Variants in MACROD2 observed in about 807,000 individuals in gnomAD.
MACROD2 encodes ADP-ribose glycohydrolase MACROD2.
MACROD2 carries 36 observed loss-of-function variants against 70.4 expected under a neutral mutation model. The observed-to-expected ratio is 0.51, with a 90% CI of 0.39 to 0.68. The LOEUF (loss-of-function observed/expected upper bound fraction) is 0.68. Ranked by LOEUF, MACROD2 falls within the 30% of genes least tolerant of loss-of-function variation. The pLI is 0.00. For missense variants in MACROD2, 496 were observed against 538.4 expected (o/e 0.92, Z 0.78); for synonymous variants, 172 against 178.8 (o/e 0.96, Z 0.30).
intron 5 of MACROD2, among the ~76,000 whole-genome samples, chr20:14,940,817 T>C (rs1259898623): frequency 1.3e-5 from 2 of 152,188 alleles, no homozygotes; most frequent in Non-Finnish European, 2.9e-5. Flanking sequence ...TGAGAATTTT[T>C]GTATCTATGT....
chr20:14,629,808 G>T (rs771764174), intron 4 of MACROD2, among the ~76,000 whole-genome samples: 5 of 152,062 alleles, frequency 3.3e-5, no homozygotes, highest in Non-Finnish European at 7.4e-5. Flanking sequence ...AAGAACCCTG[G>T]TCTCTTTTTA....
intron 4 of MACROD2, among the ~76,000 whole-genome samples, chr20:14,678,442 A>G (rs2070889047): frequency 6.6e-6 from 1 of 152,126 alleles, no homozygotes; most frequent in Non-Finnish European, 1.5e-5. Flanking sequence ...CTATTTACTG[A>G]TGGAGCTTAG....
At chr20:14,237,271 A>G (rs539869512) in intron 3 of MACROD2, among the ~76,000 whole-genome samples, 45 of 152,182 alleles carry the variant, frequency 3.0e-4, no homozygotes, top group Admixed American at 5.2e-4. Context: ...ATATATAAAT[A>G]CAATCTCCCA....
intron 5 of MACROD2, among the ~76,000 whole-genome samples, chr20:14,981,678 C>T (rs1346658633): frequency 1.3e-5 from 2 of 152,160 alleles, no homozygotes; most frequent in Admixed American, 6.5e-5. Flanking sequence ...GCTGTCTTCT[C>T]TTGTCTGCCA....
At chr20:15,024,949 T>G (rs986067058) in intron 5 of MACROD2, among the ~76,000 whole-genome samples, 4 of 152,134 alleles carry the variant, frequency 2.6e-5, no homozygotes, top group Non-Finnish European at 5.9e-5. Flanking sequence ...CCCACGAGGA[T>G]GGGATACAGG....
At chr20:15,685,538 G>A in intron 8 of MACROD2, among the ~76,000 whole-genome samples, 1 of 152,180 alleles carries the variant, frequency 6.6e-6, no homozygotes, top group Non-Finnish European at 1.5e-5. Flanking sequence ...GTCTTTACTT[G>A]AATGATTCCC....
chr20:14,342,581 A>C (rs970104894), intron 3 of MACROD2, among the ~76,000 whole-genome samples: 1 of 152,190 alleles, frequency 6.6e-6, no homozygotes, highest in Admixed American at 6.5e-5. Context: ...TTAATGTAGT[A>C]GTTAGAAACT....
At chr20:15,574,163 G>T (rs2048413209) in intron 8 of MACROD2, among the ~76,000 whole-genome samples, 1 of 152,086 alleles carries the variant, frequency 6.6e-6, no homozygotes, top group Admixed American at 6.6e-5. Flanking sequence ...GCAGACACCA[G>T]GTAGTATCCA....
At position 14,667,942 on chromosome 20, in the gene MACROD2, G is replaced by A. The variant is rs577570119; in HGVS notation, c.302-16901G>A. Among the ~76,000 whole-genome samples the A allele has an allele frequency of 5.3e-5, 8 of 152,174 alleles. No homozygotes were observed. In the East Asian group the frequency reaches 1.5e-3, roughly 29 times the overall value. Reference sequence around the variant, plus strand: ...AGGCCAAGGCAGGCAGATCTCTTGAGTTCAAGACCAGCCTGGGCAACATGG... The same window carrying A: ...AGGCCAAGGCAGGCAGATCTCTTGAATTCAAGACCAGCCTGGGCAACATGG... On this transcript the variant is annotated intron_variant, in intron 4 of 17. Transcript: ENST00000684519.
At chr20:15,389,928 T>C (rs1727364034) in intron 6 of MACROD2, among the ~76,000 whole-genome samples, 1 of 152,110 alleles carries the variant, frequency 6.6e-6, no homozygotes, top group South Asian at 2.1e-4. Context: ...GGAAAAACAA[T>C]ATTTAAAACA....
At chr20:15,790,840 A>C (rs933283214) in intron 8 of MACROD2, among the ~76,000 whole-genome samples, 6 of 151,950 alleles carry the variant, frequency 3.9e-5, no homozygotes, top group African/African-American at 1.4e-4. Context: ...CCAGGAACAA[A>C]ATCATTAGCT....
At chr20:15,881,317 CA>C (rs1236749101) in intron 9 of MACROD2, among the ~76,000 whole-genome samples, 2 of 151,962 alleles carry the variant, frequency 1.3e-5, no homozygotes, top group African/African-American at 4.8e-5. Flanking sequence ...ATCAGTCTCC[CA>C]AAAAGCTTGG....
chr20:15,211,950 C>T (rs966651651), intron 5 of MACROD2, among the ~76,000 whole-genome samples: 4 of 152,260 alleles, frequency 2.6e-5, no homozygotes, highest in Admixed American at 6.5e-5. Flanking sequence ...TAACTGTTTT[C>T]CAAAGTGGCA....
intron 6 of MACROD2, among the ~76,000 whole-genome samples, chr20:15,254,377 C>T (rs887112889): frequency 2.6e-5 from 4 of 152,166 alleles, no homozygotes; most frequent in African/African-American, 9.7e-5. Flanking sequence ...CCTCTTGACA[C>T]TTCCACTGCC....
At chr20:15,260,914 A>G (rs1471916501) in intron 6 of MACROD2, among the ~76,000 whole-genome samples, 2 of 152,058 alleles carry the variant, frequency 1.3e-5, no homozygotes, top group African/African-American at 4.8e-5. Context: ...TTATTAATTT[A>G]AAATCTCTTT....
At chr20:14,673,537 ATAAAATCT>A in intron 4 of MACROD2, among the ~76,000 whole-genome samples, 1 of 152,326 alleles carries the variant, frequency 6.6e-6, no homozygotes, top group Non-Finnish European at 1.5e-5. Flanking sequence ...TTATAGGGCC[ATAAAATCT>A]GAATTCATAT....
intron 15 of MACROD2, among the ~76,000 whole-genome samples, chr20:16,015,712 C>A (rs547762632): frequency 3.3e-5 from 5 of 151,962 alleles, no homozygotes; most frequent in African/African-American, 9.7e-5. Context: ...ATTTTTGTTG[C>A]GTTTACTGTT....
chr20:14,374,904 A>G (rs1013540850), intron 3 of MACROD2, among the ~76,000 whole-genome samples: 1 of 152,172 alleles, frequency 6.6e-6, no homozygotes, highest in African/African-American at 2.4e-5. Flanking sequence ...TTTGGGTAGT[A>G]TGCGCTTTAA....
At chr20:14,680,109 G>A (rs1219824020) in intron 4 of MACROD2, among the ~76,000 whole-genome samples, 1 of 152,072 alleles carries the variant, frequency 6.6e-6, no homozygotes, top group East Asian at 1.9e-4. Context: ...GGAAACCACA[G>A]GACTGAATTC....
Sources: allele counts gnomAD v4.1 joint callset (sites outside exome capture counted in the v4.1 genomes callset), GRCh38; gene constraint gnomAD v4.1.1; transcripts MANE v1.5; gene names NCBI Gene and HGNC (gene_info 2026-07-23, HGNC 2026-07-21).